Variants in SRBD1 observed in about 807,000 individuals in gnomAD.
SRBD1 encodes S1 RNA binding domain 1, also known as S1 RNA-binding domain-containing protein 1.
A neutral mutation model predicts 115.3 loss-of-function variants in SRBD1; 88 were observed. The ratio of observed to expected loss-of-function variants is 0.76; its 90% CI spans 0.64 to 0.91. The LOEUF is 0.91. Ranked by LOEUF, SRBD1 falls within the 40% of genes least tolerant of loss-of-function variation. The pLI is 0.00. For missense variants in SRBD1, 1,385 were observed against 1,177.4 expected (o/e 1.18, Z -2.58); for synonymous variants, 509 against 407.7 (o/e 1.25, Z -2.99).
chr2:45,475,119 T>TAA (rs1487140730), intron 16 of SRBD1, among the ~76,000 whole-genome samples: 1 of 152,178 alleles, frequency 6.6e-6, no homozygotes, highest in Non-Finnish European at 1.5e-5. Flanking sequence ...TTAACATGTC[T>TAA]AAAACTGAAT....
chr2:45,408,677 C>G (rs1264541882), intron 19 of SRBD1, among the ~76,000 whole-genome samples: 1 of 152,112 alleles, frequency 6.6e-6, no homozygotes, highest in East Asian at 1.9e-4. Context: ...TTTCAAGAGC[C>G]ACAAAGACTT....
chr2:45,503,571 A>C (rs1670703500), intron 14 of SRBD1, among the ~76,000 whole-genome samples: 1 of 152,218 alleles, frequency 6.6e-6, no homozygotes, highest in Admixed American at 6.5e-5. Flanking sequence ...ATTTAAAATA[A>C]TTCACATACC....
At chr2:45,545,050 G>A (rs1036806081) in intron 14 of SRBD1, among the ~76,000 whole-genome samples, 1 of 152,024 alleles carries the variant, frequency 6.6e-6, no homozygotes, top group African/African-American at 2.4e-5. Flanking sequence ...GGAGGCTGAG[G>A]CAGGCGGATC....
intron 9 of SRBD1, among the ~76,000 whole-genome samples, chr2:45,565,333 T>G (rs1672792980): frequency 6.6e-6 from 1 of 152,134 alleles, no homozygotes; most frequent in South Asian, 2.1e-4. Flanking sequence ...ATACATATAG[T>G]GTCAACTGAT....
At chr2:45,433,469 T>C (rs1668398824) in intron 16 of SRBD1, among the ~76,000 whole-genome samples, 1 of 152,176 alleles carries the variant, frequency 6.6e-6, no homozygotes, top group South Asian at 2.1e-4. Flanking sequence ...GAACAGTCTA[T>C]TCAATTTCAA....
At chr2:45,556,726 G>A (rs886487203) in intron 10 of SRBD1, among the ~76,000 whole-genome samples, 2 of 152,172 alleles carry the variant, frequency 1.3e-5, no homozygotes, top group African/African-American at 4.8e-5. Context: ...GCCTCCCAAA[G>A]TGCTGGGATT....
chr2:45,422,352 G>C (rs768274742), intron 16 of SRBD1, among the ~76,000 whole-genome samples: 14 of 152,120 alleles, frequency 9.2e-5, no homozygotes, highest in Non-Finnish European at 1.5e-4. Context: ...TTTCTGCAAG[G>C]CCATATGCTT....
At chr2:45,569,093 A>AT (rs1165251040) in intron 9 of SRBD1, 1 of 146,914 alleles carries the variant, frequency 6.8e-6, no homozygotes, top group Non-Finnish European at 1.5e-5. Flanking sequence ...CTTTCAGGAA[A>AT]TACTTGTGGG....
At chr2:45,591,499 C>A (rs1305094384) in intron 4 of SRBD1, among the ~76,000 whole-genome samples, 1 of 152,140 alleles carries the variant, frequency 6.6e-6, no homozygotes, top group African/African-American at 2.4e-5. Context: ...ATTCTCTTGT[C>A]TTGATAAATA....
At chr2:45,523,435 T>C (rs925279628) in intron 14 of SRBD1, among the ~76,000 whole-genome samples, 26 of 151,542 alleles carry the variant, frequency 1.7e-4, no homozygotes, top group Admixed American at 7.2e-4. Flanking sequence ...ATTAACAAAA[T>C]TGACAAACCA....
chr2:45,509,799 G>A (rs1406266698), intron 14 of SRBD1, among the ~76,000 whole-genome samples: 1 of 152,122 alleles, frequency 6.6e-6, no homozygotes, highest in Non-Finnish European at 1.5e-5. Context: ...CAGTGGCGCA[G>A]TCTCAGCTCA....
intron 19 of SRBD1, among the ~76,000 whole-genome samples, chr2:45,398,196 T>TA (rs773560255): frequency 3.3e-5 from 5 of 152,144 alleles, no homozygotes; most frequent in Admixed American, 2.0e-4. Context: ...ATAAACATTT[T>TA]AAAAATGTAA....
intron 16 of SRBD1, among the ~76,000 whole-genome samples, chr2:45,429,753 C>T (rs1275246646): frequency 2.6e-5 from 4 of 152,218 alleles, no homozygotes; most frequent in Non-Finnish European, 5.9e-5. Context: ...CCCTCTCTCA[C>T]CACTCCTATT....
intron 14 of SRBD1, among the ~76,000 whole-genome samples, chr2:45,511,365 G>C (rs1360119760): frequency 6.6e-6 from 1 of 152,092 alleles, no homozygotes; most frequent in Non-Finnish European, 1.5e-5. Flanking sequence ...TTTTTCACTT[G>C]CCACTCCAGA....
At chr2:45,568,276 A>G (rs1250535651) in intron 9 of SRBD1, among the ~76,000 whole-genome samples, 1 of 152,224 alleles carries the variant, frequency 6.6e-6, no homozygotes, top group African/African-American at 2.4e-5. Context: ...ATTAACGGCT[A>G]TTCCCACAGT....
chr2:45,411,384 T>C (rs1667598223), intron 19 of SRBD1, among the ~76,000 whole-genome samples: 2 of 152,204 alleles, frequency 1.3e-5, no homozygotes, highest in Admixed American at 6.5e-5. Context: ...CAATGGAATA[T>C]TACTGAGCAA....
At chr2:45,449,365 C>T (rs3755077) in intron 16 of SRBD1, among the ~76,000 whole-genome samples, 27,127 of 151,934 alleles carry the variant, frequency 0.18, 3,331 homozygotes, top group African/African-American at 0.33. Flanking sequence ...TGTGAGTCCA[C>T]GGATATTCCT....
intron 14 of SRBD1, among the ~76,000 whole-genome samples, chr2:45,508,053 T>C (rs1440325281): frequency 6.6e-6 from 1 of 152,212 alleles, no homozygotes; most frequent in Non-Finnish European, 1.5e-5. Context: ...GACCGATAGA[T>C]ATTTACATAA....
chr2:45,442,990 A>T (rs1036083841), intron 16 of SRBD1, among the ~76,000 whole-genome samples: 1 of 152,182 alleles, frequency 6.6e-6, no homozygotes, highest in African/African-American at 2.4e-5. Context: ...AATTGAAAGG[A>T]GGGCAATCTG....
Sources: allele counts gnomAD v4.1 joint callset (sites outside exome capture counted in the v4.1 genomes callset), GRCh38; gene constraint gnomAD v4.1.1; transcripts MANE v1.5; gene names NCBI Gene and HGNC (gene_info 2026-07-23, HGNC 2026-07-21).